Variants in ERBIN observed in about 807,000 individuals in gnomAD.
The protein encoded by ERBIN is erbb2 interacting protein, also known as densin-180-like protein.
Under a neutral mutation model 158.4 loss-of-function variants are expected in ERBIN, and 60 were observed. The observed-to-expected ratio is 0.38, with a 90% CI of 0.31 to 0.47. The LOEUF (loss-of-function observed/expected upper bound fraction) is 0.47, where lower values mean the gene tolerates loss of function less well. Among genes scored for constraint, ERBIN ranks in the 20% least tolerant of loss-of-function variants. The pLI is 0.99. For missense variants in ERBIN, 1,610 were observed against 1,648.0 expected, an observed-to-expected ratio of 0.98 and a Z score of 0.40; for synonymous variants, 594 against 557.2, an observed-to-expected ratio of 1.07 and a Z score of -0.93.
chr5:66,076,704 A>T (rs768265666), intron 24 of ERBIN, 171 bp from the exon 25 acceptor site: 4 of 619,646 alleles, frequency 6.5e-6, no homozygotes, highest in Non-Finnish European at 8.6e-6. Flanking sequence ...CTAAAGTCAG[A>T]ATTACTAGAG....
At chr5:65,979,524 C>T (rs138149456) in intron 1 of ERBIN, among the ~76,000 whole-genome samples, 1 of 152,182 alleles carries the variant, frequency 6.6e-6, no homozygotes, top group African/African-American at 2.4e-5. Context: ...ATACAAAGAC[C>T]TGGAAAAGGG....
In ERBIN at chr5:66,044,123, T is replaced by C. The variant is rs202008171; in HGVS notation, c.1429-14T>C. ...ATATTTGTACTTCATATTTTACTTA[T>C]TTTATTTCTCTAGGAGGGAAATTTA... On this transcript the variant is annotated splice_polypyrimidine_tract_variant and intron_variant, in intron 16 of 25. Transcript: ENST00000284037. The C allele has an allele frequency of 2.2e-5, 33 of 1,518,208 alleles. No individual in the cohort carries two copies. The highest frequency in any genetic ancestry group is 2.6e-5 in the South Asian group (2 of 75,734). 94.0% of individuals were successfully genotyped at this position (1,518,208 alleles called of 1,614,324 possible).
chr5:66,042,971 T>C, intron 15 of ERBIN, 106 bp from the exon 16 acceptor site: 1 of 838,194 alleles, frequency 1.2e-6, no homozygotes, highest in Non-Finnish European at 1.9e-6. Flanking sequence ...TTAACTATTT[T>C]AGACTTATTG....
At chr5:66,023,929 G>A (rs935690586) in intron 9 of ERBIN, among the ~76,000 whole-genome samples, 3 of 151,750 alleles carry the variant, frequency 2.0e-5, no homozygotes, top group South Asian at 4.2e-4. Context: ...CGCCTGCCTC[G>A]GCCTACCAAA....
At chr5:66,025,049 T>C (rs1357640744) in intron 10 of ERBIN, among the ~76,000 whole-genome samples, 1 of 152,164 alleles carries the variant, frequency 6.6e-6, no homozygotes, top group Non-Finnish European at 1.5e-5. Context: ...AAAAAATATT[T>C]TACTGTTTTA....
At chr5:66,034,606 C>T (rs1757207234) in intron 14 of ERBIN, among the ~76,000 whole-genome samples, 2 of 142,154 alleles carry the variant, frequency 1.4e-5, no homozygotes, top group African/African-American at 5.1e-5. Flanking sequence ...TTCTTGAATC[C>T]TTTTTTTTTT....
chr5:66,041,645 C>T (rs914079809), intron 15 of ERBIN, among the ~76,000 whole-genome samples: 3 of 152,002 alleles, frequency 2.0e-5, no homozygotes, highest in African/African-American at 4.8e-5. Context: ...CCTTGGGCTT[C>T]TGAATAAATT....
chr5:65,944,889 A>G (rs915883268), intron 1 of ERBIN, among the ~76,000 whole-genome samples: 1 of 152,194 alleles, frequency 6.6e-6, no homozygotes, highest in Non-Finnish European at 1.5e-5. Context: ...TACTAGATAC[A>G]TGATTTGCAA....
chr5:65,987,784 G>A (rs1751424641), intron 1 of ERBIN, among the ~76,000 whole-genome samples: 1 of 151,100 alleles, frequency 6.6e-6, no homozygotes, highest in South Asian at 2.1e-4. Context: ...AGTGGAGGTT[G>A]CAGTGAGCTG....
chr5:66,039,025 C>CGT (rs149165726), intron 15 of ERBIN, among the ~76,000 whole-genome samples: 1,997 of 148,784 alleles, frequency 0.013, 31 homozygotes, highest in East Asian at 0.093. Flanking sequence ...GTACTCTCTG[C>CGT]GTGTGTGTGT....
intron 14 of ERBIN, among the ~76,000 whole-genome samples, chr5:66,035,271 A>G (rs1306789928): frequency 3.3e-5 from 5 of 152,108 alleles, no homozygotes; most frequent in Admixed American, 2.6e-4. Context: ...CTCAATTCCT[A>G]CTTAACATTG....
intron 1 of ERBIN, among the ~76,000 whole-genome samples, chr5:65,986,206 T>A (rs1186172502): frequency 1.3e-5 from 2 of 152,254 alleles, no homozygotes; most frequent in Non-Finnish European, 2.9e-5. Flanking sequence ...TGAATGCCTA[T>A]ATCCAGCTGC....
At chr5:66,044,417 C>G in intron 17 of ERBIN, 107 bp downstream of exon 17, 1 of 1,021,506 alleles carries the variant, frequency 9.8e-7, no homozygotes, top group Non-Finnish European at 1.4e-6. Context: ...CAGTCATGCA[C>G]CACAGAATGA....
At chr5:65,991,654 AT>A (rs1286601571) in intron 2 of ERBIN, among the ~76,000 whole-genome samples, 2 of 152,182 alleles carry the variant, frequency 1.3e-5, no homozygotes, top group African/African-American at 2.4e-5. Context: ...TGCAAATATA[AT>A]CTTACTTTGC....
In ERBIN at chr5:66,054,175, G is replaced by T. The variant is rs776163114; in HGVS notation, c.2857G>T (p.Glu953Ter). ...IFKFDSNHNP[E>*]EPNIIRGPTS... Reference sequence around the variant, plus strand: ...CAAGTTTGATTCAAATCATAATCCCGAAGAGCCAAATATAATAAGAGGCCC... The same window carrying T: ...CAAGTTTGATTCAAATCATAATCCCTAAGAGCCAAATATAATAAGAGGCCC... The change falls in exon 21 of 26, where the codon GAA becomes TAA. Residue 953 changes from glutamate (E) to a stop codon, truncating the protein, a stop_gained. Transcript: ENST00000284037. LOFTEE classifies it high-confidence loss of function. 6.2e-7 allele frequency: 1 copy of T among 1,613,924 alleles called. No individual in the cohort carries two copies. The highest frequency in any genetic ancestry group is 8.5e-7 in the Non-Finnish European group (1 of 1,180,030).
intron 1 of ERBIN, among the ~76,000 whole-genome samples, chr5:65,929,141 A>G (rs1436796236): frequency 2.0e-5 from 3 of 152,226 alleles, no homozygotes; most frequent in Non-Finnish European, 2.9e-5. Context: ...CATGGAAACC[A>G]AATTTTTATT....
rs1302363980 is a variant in ERBIN, at chr5:66,068,946, G to C, written c.3634-3223G>C. ...CAGTTTTCACTGTGGCAGCTCTAGG[G>C]ATCTGCATGGCAGCCAGGGCAGTCT... On this transcript the variant is annotated intron_variant, in intron 21 of 25. Transcript: ENST00000284037. 2.0e-6 allele frequency: 3 copies of C among 1,535,742 alleles called. No individual in the cohort carries two copies. The East Asian group carries it at 7.3e-5, about 38-fold the overall frequency.
At chr5:66,001,715 G>A (rs1406061402) in intron 4 of ERBIN, among the ~76,000 whole-genome samples, 3 of 152,136 alleles carry the variant, frequency 2.0e-5, no homozygotes, top group Non-Finnish European at 4.4e-5. Flanking sequence ...TGATAAAACT[G>A]GAATGTTAAT....
intron 1 of ERBIN, among the ~76,000 whole-genome samples, chr5:65,966,636 C>T (rs952515640): frequency 7.2e-6 from 1 of 138,468 alleles, no homozygotes; most frequent in Non-Finnish European, 1.5e-5. Context: ...GCCAAGATCG[C>T]ACCCTTGCAC....
Sources: gnomAD v4.1 joint callset for allele counts (sites outside exome capture counted in the v4.1 genomes callset) on GRCh38, gnomAD v4.1.1 for gene constraint, MANE v1.5 for transcripts, NCBI Gene and HGNC (gene_info 2026-07-23, HGNC 2026-07-21) for gene names.